PPFIA2: variants seen among roughly 807,000 people sequenced by gnomAD.
PPFIA2 encodes the protein PPFI scaffold protein A2, also known as liprin-alpha-2.
A neutral mutation model predicts 175.5 loss-of-function variants in PPFIA2; 46 were observed. The ratio of observed to expected loss-of-function variants is 0.26; its 90% CI spans 0.21 to 0.34. PPFIA2 has a LOEUF of 0.34. Among genes scored for constraint, PPFIA2 ranks in the 10% least tolerant of loss-of-function variants. PPFIA2 has a pLI of 1.00. For synonymous variants in PPFIA2, 568 were observed against 511.4 expected (o/e 1.11, Z -1.49); for missense variants, 1,179 against 1,506.1 (o/e 0.78, Z 3.60).
intron 7 of PPFIA2, among the ~76,000 whole-genome samples, chr12:81,433,096 C>T (rs2048387009): frequency 6.6e-6 from 1 of 151,646 alleles, no homozygotes; most frequent in Non-Finnish European, 1.5e-5. Flanking sequence ...ATAAAATCTA[C>T]AAATTTTTAG....
At chr12:81,323,839 G>A (rs1464575561) in intron 22 of PPFIA2, among the ~76,000 whole-genome samples, 1 of 151,978 alleles carries the variant, frequency 6.6e-6, no homozygotes, top group Non-Finnish European at 1.5e-5. Flanking sequence ...TAAGTCCTTT[G>A]AACACTGATT....
intron 3 of PPFIA2, among the ~76,000 whole-genome samples, chr12:81,701,915 TAAAAAAAAAAA>T (rs748051152): frequency 1.2e-5 from 1 of 84,206 alleles, no homozygotes; most frequent in African/African-American, 5.3e-5. Context: ...ATGGGAAGAC[TAAAAAAAAAAA>T]AAAAAAAAAA....
At chr12:81,665,059 G>A (rs1422474477) in intron 4 of PPFIA2, among the ~76,000 whole-genome samples, 2 of 151,938 alleles carry the variant, frequency 1.3e-5, no homozygotes, top group East Asian at 3.9e-4. Flanking sequence ...AGGGGGGAGG[G>A]ATAGCATTAG....
chr12:81,316,551 T>C (rs970430149), intron 22 of PPFIA2, among the ~76,000 whole-genome samples: 11 of 151,702 alleles, frequency 7.3e-5, no homozygotes, highest in Non-Finnish European at 1.0e-4. Flanking sequence ...TTATATCTTA[T>C]ATCAAACATT....
At chr12:81,708,338 C>T (rs2077476783) in intron 3 of PPFIA2, among the ~76,000 whole-genome samples, 2 of 151,914 alleles carry the variant, frequency 1.3e-5, no homozygotes, top group Non-Finnish European at 2.9e-5. Context: ...TTCAGATGTT[C>T]AGCATCTATT....
intron 4 of PPFIA2, among the ~76,000 whole-genome samples, chr12:81,463,057 G>A (rs1262612252): frequency 6.6e-6 from 1 of 151,894 alleles, no homozygotes; most frequent in Non-Finnish European, 1.5e-5. Flanking sequence ...AAGATTCCCA[G>A]AAAGGAATTC....
intron 10 of PPFIA2, 27 bp from the exon 11 acceptor site, chr12:81,374,795 C>T (rs763079387): frequency 1.3e-6 from 2 of 1,596,028 alleles, no homozygotes; most frequent in Non-Finnish European, 1.7e-6. Flanking sequence ...AGCAGAGACA[C>T]TTAAAGAGTC....
At chr12:81,681,125 C>T (rs1355719914) in intron 3 of PPFIA2, among the ~76,000 whole-genome samples, 2 of 151,948 alleles carry the variant, frequency 1.3e-5, no homozygotes, top group South Asian at 2.1e-4. Context: ...CAAGCACCTA[C>T]GCCATGTGGT....
intron 4 of PPFIA2, among the ~76,000 whole-genome samples, chr12:81,552,627 T>C (rs2068118909): frequency 6.6e-6 from 1 of 152,036 alleles, no homozygotes; most frequent in African/African-American, 2.4e-5. Flanking sequence ...TGTTATTTAA[T>C]GTTTGGTGGT....
In PPFIA2 at chr12:81,277,365, T is replaced by G; in HGVS notation, c.3262A>C (p.Arg1088=). Residue 1088 remains arginine, a synonymous_variant, in exon 28 of 33, where the codon AGA becomes CGA. Transcript: ENST00000549396. ...IMCLKRLNYD[R]KELERRREAS... ...TCCCGTCTTCTTTCTAGTTCTTTTCTGTCATAATTCAACCTCTTTAAGCAC... is the reference window on the plus strand; with the variant it reads ...TCCCGTCTTCTTTCTAGTTCTTTTCGGTCATAATTCAACCTCTTTAAGCAC... 6.4e-7 allele frequency: 1 copy of G among 1,574,198 alleles called. No homozygotes were observed.
At chr12:81,458,926 A>C (rs2054051922) in intron 4 of PPFIA2, among the ~76,000 whole-genome samples, 1 of 152,162 alleles carries the variant, frequency 6.6e-6, no homozygotes, top group South Asian at 2.1e-4. Flanking sequence ...AGATTAAAAA[A>C]CATAAAATGA....
At chr12:81,472,228 A>C (rs905521383) in intron 4 of PPFIA2, among the ~76,000 whole-genome samples, 3 of 152,192 alleles carry the variant, frequency 2.0e-5, no homozygotes, top group African/African-American at 7.2e-5. Flanking sequence ...GGTGAGAGCT[A>C]AGGAGCTCTG....
chr12:81,272,545 C>T (rs2039423154), intron 28 of PPFIA2, among the ~76,000 whole-genome samples: 1 of 151,944 alleles, frequency 6.6e-6, no homozygotes, highest in Admixed American at 6.6e-5. Context: ...ATATTGATTC[C>T]AACTATATTA....
chr12:81,715,334 T>C (rs1457534369), intron 3 of PPFIA2, among the ~76,000 whole-genome samples: 4 of 151,956 alleles, frequency 2.6e-5, no homozygotes, highest in South Asian at 4.1e-4. Context: ...ATCTACTACA[T>C]GTTAATACAT....
intron 5 of PPFIA2, among the ~76,000 whole-genome samples, chr12:81,455,907 T>C (rs769796223): frequency 2.0e-5 from 3 of 152,186 alleles, no homozygotes; most frequent in Non-Finnish European, 2.9e-5. Context: ...GTCTGTAAAA[T>C]TGAGATAATT....
chr12:81,451,252 C>T (rs1020051126), intron 5 of PPFIA2, among the ~76,000 whole-genome samples: 1 of 151,834 alleles, frequency 6.6e-6, no homozygotes, highest in African/African-American at 2.4e-5. Context: ...ATTAATTATC[C>T]CCATTTTCTA....
intron 7 of PPFIA2, among the ~76,000 whole-genome samples, chr12:81,421,246 G>A (rs1359492229): frequency 6.6e-6 from 1 of 151,928 alleles, no homozygotes; most frequent in African/African-American, 2.4e-5. Context: ...CACTGGTTAA[G>A]GTAAACATAC....
At chr12:81,409,870 A>C (rs1409708074) in intron 7 of PPFIA2, among the ~76,000 whole-genome samples, 1 of 152,180 alleles carries the variant, frequency 6.6e-6, no homozygotes, top group African/African-American at 2.4e-5. Flanking sequence ...ACAAATGATC[A>C]GATTAAGATA....
intron 23 of PPFIA2, chr12:81,298,169 A>C (rs2046959805): frequency 6.6e-6 from 1 of 152,146 alleles, no homozygotes. Context: ...CTGAGGTGTG[A>C]TTTCTTAAGC....
Sources: gnomAD v4.1 joint callset for allele counts (sites outside exome capture counted in the v4.1 genomes callset) on GRCh38, gnomAD v4.1.1 for gene constraint, MANE v1.5 for transcripts, NCBI Gene and HGNC (gene_info 2026-07-23, HGNC 2026-07-21) for gene names.